Variants in RSPH14 observed in about 807,000 individuals in gnomAD.
The protein encoded by RSPH14 is rhabdoid tumor deletion region gene 1.
Under a neutral mutation model 26.7 loss-of-function variants are expected in RSPH14, and 20 were observed. The ratio of observed to expected loss-of-function variants is 0.75; its 90% confidence interval spans 0.53 to 1.09. The LOEUF is 1.09. Among genes scored for constraint, RSPH14 ranks in the 50% least tolerant of loss-of-function variants. The probability of loss-of-function intolerance (pLI) is 0.00; values close to 1 mark genes in which losing one functional copy is unlikely to be tolerated. For missense variants in RSPH14, 449 were observed against 457.2 expected, an observed-to-expected ratio of 0.98 and a Z score of 0.16; for synonymous variants, 177 against 189.3, an observed-to-expected ratio of 0.93 and a Z score of 0.53.
At chr22:23,174,088 C>G in the RSPH14 span, among the ~76,000 whole-genome samples, 1 of 152,104 alleles carries the variant, frequency 6.6e-6, no homozygotes, top group Non-Finnish European at 1.5e-5. Flanking sequence ...TCTGCATTGT[C>G]TCCAGCAGAG....
chr22:23,074,469 T>C (rs189462255), intron 4 of RSPH14, among the ~76,000 whole-genome samples: 3 of 151,156 alleles, frequency 2.0e-5, no homozygotes, highest in Admixed American at 2.0e-4. Context: ...TCTGGAGAGG[T>C]GGGGAATTAG....
intron 4 of RSPH14, among the ~76,000 whole-genome samples, chr22:23,092,661 G>A (rs1443006893): frequency 6.6e-6 from 1 of 152,200 alleles, no homozygotes; most frequent in Admixed American, 6.5e-5. Flanking sequence ...CTTAGCTCCA[G>A]GCTTCCAGAC....
intron 1 of RSPH14, 36 bp downstream of exon 1, chr22:23,141,912 CT>C (rs1413345129): frequency 1.4e-5 from 13 of 928,108 alleles, no homozygotes; most frequent in Non-Finnish European, 1.5e-5. Flanking sequence ...CTGGGCCCCC[CT>C]GTCCCCGGGC....
intron 4 of RSPH14, among the ~76,000 whole-genome samples, chr22:23,108,268 C>T (rs1832301699): frequency 6.6e-6 from 1 of 152,270 alleles, no homozygotes; most frequent in African/African-American, 2.4e-5. Context: ...GGTCCCCAAG[C>T]AGACAGCACT....
intron 4 of RSPH14, among the ~76,000 whole-genome samples, chr22:23,064,744 G>A (rs2068168237): frequency 6.6e-6 from 1 of 152,182 alleles, no homozygotes; most frequent in Admixed American, 6.5e-5. Flanking sequence ...AAGGGACCTG[G>A]GGCTCTGTGG....
At chr22:23,096,598 G>T (rs1390385836) in intron 4 of RSPH14, among the ~76,000 whole-genome samples, 1 of 152,224 alleles carries the variant, frequency 6.6e-6, no homozygotes, top group Non-Finnish European at 1.5e-5. Flanking sequence ...ACAGGGTGTG[G>T]AGTGCAGGTG....
chr22:23,090,121 C>T (rs575974693), intron 4 of RSPH14, among the ~76,000 whole-genome samples: 56 of 152,250 alleles, frequency 3.7e-4, no homozygotes, highest in African/African-American at 1.3e-3. Flanking sequence ...TGATACAGTC[C>T]ACTCATCTGT....
At chr22:23,062,192 C>T (rs531088253) in intron 5 of RSPH14, among the ~76,000 whole-genome samples, 2 of 152,306 alleles carry the variant, frequency 1.3e-5, no homozygotes, top group Admixed American at 1.3e-4. Flanking sequence ...TGAGCCAGCA[C>T]ACAGAAAAGA....
intron 4 of RSPH14, among the ~76,000 whole-genome samples, chr22:23,091,949 C>T (rs893673352): frequency 6.6e-6 from 1 of 152,170 alleles, no homozygotes; most frequent in African/African-American, 2.4e-5. Context: ...CCCTAACACA[C>T]ATCCCCACAC....
At position 23,090,644 on chromosome 22, in the gene RSPH14, C is replaced by T. The variant is rs570281851; in HGVS notation, c.422-26511G>A. ...AGGGCCTTTGTGCCGGTGGTTCCCT[C>T]ATCCCTGATGCCTGCTTGCCTCCCT... On this transcript the variant is annotated intron_variant, in intron 4 of 6. Coordinates refer to ENST00000216036, the MANE Select transcript of RSPH14 (RefSeq NM_014433.3). Among the ~76,000 whole-genome samples, 7 of 152,288 alleles carry T rather than the reference C, an allele frequency of 4.6e-5. No homozygotes were observed. The South Asian group carries it at 1.2e-3, about 27-fold the overall frequency.
In RSPH14 at chr22:23,141,959, A is replaced by G. The variant is rs995558381; in HGVS notation, c.-63T>C. ...CCACCGCCGCCTCACCTGCCTCCGC[A>G]GCCCTTTCTGCTTCCAGTAGCCCGC... is the stretch of plus-strand genomic sequence containing the variant. On this transcript the variant is annotated 5_prime_UTR_variant, in exon 1 of 7. Transcript: ENST00000216036. 1.4e-5 allele frequency: 14 copies of G among 985,472 alleles called. No homozygotes were observed. The highest frequency in any genetic ancestry group is 1.7e-5 in the Non-Finnish European group (14 of 830,072). The allele number at this position is 985,472 out of a possible 1,614,324, so 61.0% of individuals were successfully genotyped here. A position where few individuals can be genotyped will look rare whatever the true frequency, so the allele number is the denominator to read the frequency against.
At chr22:23,156,053 G>A in the RSPH14 span, 1 of 1,603,522 alleles carries the variant, frequency 6.2e-7, no homozygotes, top group East Asian at 2.3e-5. Flanking sequence ...TGCCACGTCG[G>A]GGCTCAACTG....
At chr22:23,161,656 A>C in the RSPH14 span, 1 of 1,161,804 alleles carries the variant, frequency 8.6e-7, no homozygotes, top group Admixed American at 2.1e-5. Context: ...CAAGCTCTGC[A>C]GCGTGTCGCC....
At chr22:23,090,518 G>T (rs2068942239) in intron 4 of RSPH14, among the ~76,000 whole-genome samples, 1 of 152,136 alleles carries the variant, frequency 6.6e-6, no homozygotes, top group Non-Finnish European at 1.5e-5. Flanking sequence ...CCCAAACCCT[G>T]GCTGGCTCCT....
chr22:23,098,999 C>T (rs1302856897), intron 4 of RSPH14, among the ~76,000 whole-genome samples: 1 of 152,276 alleles, frequency 6.6e-6, no homozygotes, highest in African/African-American at 2.4e-5. Flanking sequence ...CTCGTTTTCA[C>T]AAAAGCCGAA....
At chr22:23,061,253 G>C (rs528739958) in intron 6 of RSPH14, among the ~76,000 whole-genome samples, 1 of 152,168 alleles carries the variant, frequency 6.6e-6, no homozygotes, top group African/African-American at 2.4e-5. Context: ...GGAGTGCCAC[G>C]CCCCAGTCTG....
intron 4 of RSPH14, among the ~76,000 whole-genome samples, chr22:23,080,230 G>C (rs1278331798): frequency 6.6e-6 from 1 of 152,206 alleles, no homozygotes; most frequent in Middle Eastern, 3.2e-3. Context: ...TCCTGAGTCA[G>C]TGTTCCTCAG....
intron 4 of RSPH14, among the ~76,000 whole-genome samples, chr22:23,085,789 G>C (rs1236871630): frequency 6.6e-6 from 1 of 152,242 alleles, no homozygotes; most frequent in Non-Finnish European, 1.5e-5. Flanking sequence ...ACAGAGCAGG[G>C]GGCTGCAACA....
At position 23,077,137 on chromosome 22, in the gene RSPH14, T is replaced by C. The variant is rs942618181; in HGVS notation, c.422-13004A>G. 5.3e-5 allele frequency among the ~76,000 whole-genome samples: 8 copies of C among 152,174 alleles called. No individual in the cohort carries two copies. The South Asian group carries it at 1.7e-3, about 32-fold the overall frequency. On this transcript the variant is annotated intron_variant, in intron 4 of 6. Transcript: ENST00000216036. ...ACGGGAGGCAGGATTTAGATGAGCT[T>C]GCCAGTGACTGGTGAACCTCACCAC... is the stretch of plus-strand genomic sequence containing the variant.
Sources: gnomAD v4.1 joint callset for allele counts (sites outside exome capture counted in the v4.1 genomes callset) on GRCh38, gnomAD v4.1.1 for gene constraint, MANE v1.5 for transcripts, NCBI Gene and HGNC (gene_info 2026-07-23, HGNC 2026-07-21) for gene names.